The following PAMR1 variants were observed in gnomAD, a reference collection of about 807,000 sequenced individuals.
PAMR1 encodes peptidase domain containing associated with muscle regeneration 1.
In PAMR1, 88 loss-of-function variants were observed where a neutral mutation model predicts 81.8. That is an observed-to-expected ratio of 1.08 (90% confidence interval 0.91 to 1.28). PAMR1 has a LOEUF of 1.28. PAMR1 is among the 50% of genes most tolerant of loss of function. The pLI, the probability that PAMR1 is intolerant of heterozygous loss-of-function variation, is 0.00. For missense variants in PAMR1, 935 were observed against 919.7 expected, an observed-to-expected ratio of 1.02 and a Z score of -0.21; for synonymous variants, 336 against 345.3, an observed-to-expected ratio of 0.97 and a Z score of 0.30.
intron 6 of PAMR1, among the ~76,000 whole-genome samples, chr11:35,449,543 T>C (rs1856367975): frequency 6.6e-6 from 1 of 152,166 alleles, no homozygotes; most frequent in African/African-American, 2.4e-5. Flanking sequence ...TTCTTCTCTG[T>C]CCAAACCGTC....
At chr11:35,509,691 T>G (rs1851037886) in intron 1 of PAMR1, among the ~76,000 whole-genome samples, 1 of 152,158 alleles carries the variant, frequency 6.6e-6, no homozygotes, top group Non-Finnish European at 1.5e-5. Flanking sequence ...TGGTCTTATT[T>G]ATTGAAACAA....
intron 3 of PAMR1, among the ~76,000 whole-genome samples, chr11:35,487,215 G>GA (rs111704287): frequency 0.021 from 2,677 of 130,032 alleles, 18 homozygotes; most frequent in Middle Eastern, 0.026. Flanking sequence ...TAGTTACCCA[G>GA]AAAAAAAAAA....
At chr11:35,447,234 G>T (rs937060070) in intron 6 of PAMR1, among the ~76,000 whole-genome samples, 1 of 126,806 alleles carries the variant, frequency 7.9e-6, no homozygotes, top group African/African-American at 3.0e-5. Flanking sequence ...ATGGAGTCTC[G>T]CTCTGTTACC....
intron 8 of PAMR1, among the ~76,000 whole-genome samples, chr11:35,436,656 TCACACACACACA>T (rs34951313): frequency 4.8e-5 from 7 of 144,942 alleles, no homozygotes; most frequent in South Asian, 2.2e-4. Context: ...TCTCTCTCTG[TCACACACACACA>T]CACACACACA....
At chr11:35,516,260 C>T (rs1036723627) in intron 1 of PAMR1, among the ~76,000 whole-genome samples, 2 of 152,172 alleles carry the variant, frequency 1.3e-5, no homozygotes, top group African/African-American at 4.8e-5. Flanking sequence ...TTTCAAACCA[C>T]AATACTTTAT....
At chr11:35,493,305 C>G (rs937900456) in intron 2 of PAMR1, among the ~76,000 whole-genome samples, 2 of 152,140 alleles carry the variant, frequency 1.3e-5, no homozygotes, top group African/African-American at 4.8e-5. Flanking sequence ...ATCAAAATAT[C>G]TTCAGTATAT....
At chr11:35,487,227 A>C (rs903702071) in intron 3 of PAMR1, among the ~76,000 whole-genome samples, 47 of 152,058 alleles carry the variant, frequency 3.1e-4, no homozygotes, top group African/African-American at 8.7e-4. Flanking sequence ...AAAAAAAAAA[A>C]AAAACTGAAC....
At chr11:35,471,649 T>C (rs1850189988) in intron 4 of PAMR1, among the ~76,000 whole-genome samples, 1 of 152,162 alleles carries the variant, frequency 6.6e-6, no homozygotes, top group Admixed American at 6.5e-5. Context: ...TAAGGAAACC[T>C]GACACATCCA....
Position 35,444,090 on chromosome 11 carries a change from A to T in PAMR1, c.821-2397T>A, listed in dbSNP as rs143575706. On this transcript the variant is annotated intron_variant, in intron 6 of 10. Transcript: ENST00000619888. The stretch of plus-strand genomic sequence containing the variant: ...GGAGGCATCATGCTAACTGACTTCA[A>T]ATTATACTATGAGGTTATAGTAACC... Among the ~76,000 whole-genome samples, 1,174 of 152,350 alleles carry T rather than the reference A, an allele frequency of 7.7e-3. 11 individuals carry two copies. Among genetic ancestry groups the T allele is most frequent in the Non-Finnish European group, 0.013 (873 of 68,018 alleles).
intron 6 of PAMR1, among the ~76,000 whole-genome samples, chr11:35,460,920 G>A (rs941048782): frequency 3.3e-5 from 5 of 152,178 alleles, no homozygotes; most frequent in African/African-American, 1.2e-4. Context: ...CTAGTTTACA[G>A]TCCCACCAAC....
intron 9 of PAMR1, 45 bp from the exon 10 acceptor site, chr11:35,434,849 C>A: frequency 6.3e-7 from 1 of 1,574,996 alleles, no homozygotes; most frequent in South Asian, 1.2e-5. Flanking sequence ...CAGACTTTGC[C>A]ATCCAAAGGA....
chr11:35,473,155 G>A (rs1850221336), intron 4 of PAMR1, among the ~76,000 whole-genome samples: 1 of 152,116 alleles, frequency 6.6e-6, no homozygotes, highest in South Asian at 2.1e-4. Context: ...GATGGAAAAG[G>A]GGCATCAGGG....
chr11:35,494,861 C>G (rs554038189), intron 1 of PAMR1, among the ~76,000 whole-genome samples: 1 of 152,194 alleles, frequency 6.6e-6, no homozygotes, highest in Non-Finnish European at 1.5e-5. Flanking sequence ...AAAAAGAAAT[C>G]AAGTTTCATC....
chr11:35,442,758 C>T (rs926968857), intron 6 of PAMR1, among the ~76,000 whole-genome samples: 1 of 151,904 alleles, frequency 6.6e-6, no homozygotes, highest in African/African-American at 2.4e-5. Context: ...ACCACAGGCA[C>T]ACACCAGCTA....
At chr11:35,458,260 C>T (rs2135363843) in intron 6 of PAMR1, among the ~76,000 whole-genome samples, 1 of 152,308 alleles carries the variant, frequency 6.6e-6, no homozygotes, top group Non-Finnish European at 1.5e-5. Flanking sequence ...GTTGCACCCC[C>T]AGATGAATGT....
intron 1 of PAMR1, among the ~76,000 whole-genome samples, chr11:35,505,336 T>A (rs1435152778): frequency 6.6e-6 from 1 of 152,156 alleles, no homozygotes; most frequent in Non-Finnish European, 1.5e-5. Context: ...TGAAATCTAC[T>A]GGGTAAATGT....
intron 9 of PAMR1, 51 bp downstream of exon 9, chr11:35,435,852 C>G: frequency 2.2e-6 from 3 of 1,344,716 alleles, no homozygotes; most frequent in Non-Finnish European, 3.2e-6. Context: ...TTTTCTCAGG[C>G]AGTCATGAAA....
rs375743506 is a variant in PAMR1, at chr11:35,525,512, C to T, written c.73+1G>A. On this transcript the variant is annotated splice_donor_variant, in intron 1 of 10. Coordinates refer to ENST00000619888, the MANE Select transcript of PAMR1 (RefSeq NM_001001991.3). LOFTEE classifies it high-confidence loss of function. Reference sequence around the variant, plus strand: ...GGTGTCCCGGACGCTACTCACAGTACCTCTTGGCAAGGACGAGATGAGAAG... The same window carrying T: ...GGTGTCCCGGACGCTACTCACAGTATCTCTTGGCAAGGACGAGATGAGAAG... 1.2e-6 allele frequency: 2 copies of T among 1,613,480 alleles called. No individual in the cohort carries two copies. Among genetic ancestry groups the T allele is most frequent in the South Asian group, 1.1e-5 (1 of 91,012 alleles).
At chr11:35,478,934 CT>C (rs898987997) in intron 3 of PAMR1, among the ~76,000 whole-genome samples, 6 of 152,112 alleles carry the variant, frequency 3.9e-5, no homozygotes, top group African/African-American at 1.4e-4. Flanking sequence ...CATTGCCGAT[CT>C]TTCCCCATGG....
Sources: gnomAD v4.1 joint callset for allele counts (sites outside exome capture counted in the v4.1 genomes callset) on GRCh38, gnomAD v4.1.1 for gene constraint, MANE v1.5 for transcripts, NCBI Gene and HGNC (gene_info 2026-07-23, HGNC 2026-07-21) for gene names.